SYCP2: variants seen among roughly 807,000 people sequenced by gnomAD.
The protein encoded by SYCP2 is synaptonemal complex lateral element protein.
A neutral mutation model predicts 211.3 loss-of-function variants in SYCP2; 55 were observed. The observed-to-expected ratio is 0.26, with a 90% CI of 0.21 to 0.33. SYCP2 has a LOEUF of 0.33. SYCP2 is among the 10% of genes least tolerant of loss of function. The pLI is 1.00. For synonymous variants in SYCP2, 570 were observed against 555.2 expected, an observed-to-expected ratio of 1.03 and a Z score of -0.37; for missense variants, 1,731 against 1,752.0, an observed-to-expected ratio of 0.99 and a Z score of 0.21.
chr20:59,888,333 G>A (rs991656969), intron 24 of SYCP2, among the ~76,000 whole-genome samples: 3 of 152,040 alleles, frequency 2.0e-5, no homozygotes, highest in African/African-American at 7.2e-5. Flanking sequence ...TTCTAGGTAT[G>A]CAAGAATGAT....
intron 18 of SYCP2, among the ~76,000 whole-genome samples, chr20:59,898,733 T>A (rs549860679): frequency 2.6e-5 from 4 of 151,464 alleles, no homozygotes; most frequent in Admixed American, 2.6e-4. Flanking sequence ...AAAAGATATG[T>A]AAAATGTTTT....
chr20:59,913,477 A>C (rs995806300), intron 12 of SYCP2, among the ~76,000 whole-genome samples: 1 of 152,204 alleles, frequency 6.6e-6, no homozygotes, highest in Admixed American at 6.5e-5. Context: ...TATAAAAAAA[A>C]GATTAAAATT....
intron 2 of SYCP2, among the ~76,000 whole-genome samples, chr20:59,924,639 G>T (rs1271676775): frequency 1.3e-5 from 2 of 151,948 alleles, no homozygotes; most frequent in African/African-American, 4.8e-5. Flanking sequence ...TGTCGGGTAG[G>T]TTAATCATTT....
At chr20:59,914,554 CCACA>C (rs1483766161) in intron 10 of SYCP2, among the ~76,000 whole-genome samples, 3 of 151,776 alleles carry the variant, frequency 2.0e-5, no homozygotes, top group Non-Finnish European at 4.4e-5. Flanking sequence ...GCAAAGTAAC[CCACA>C]CAGTTGTCTG....
chr20:59,892,992 A>G, intron 22 of SYCP2, 150 bp downstream of exon 22: 1 of 640,990 alleles, frequency 1.6e-6, no homozygotes, highest in South Asian at 2.4e-5. Flanking sequence ...AAAAAACCAT[A>G]TACATAATTC....
Position 59,892,386 on chromosome 20 carries a change from G to C in SYCP2, c.1968C>G (p.Ser656=), listed in dbSNP as rs1555878187. 2.6e-6 allele frequency: 4 copies of C among 1,563,464 alleles called. No homozygotes were observed. The South Asian group carries it at 3.5e-5, about 14-fold the overall frequency. Residue 656 remains serine, a synonymous_variant, in exon 24 of 45, where the codon TCC becomes TCG. Transcript: ENST00000357552. ...INKKLTKQKS[S]SSISDHNSEG... is the part of the protein sequence containing the mutation. ...CAGAATTATGATCAGATATTGAAGA[G>C]GATGATTTTTGTTTAGTAAGTTTTT...
At chr20:59,882,874 A>G (rs2059713195) in intron 26 of SYCP2, among the ~76,000 whole-genome samples, 1 of 152,188 alleles carries the variant, frequency 6.6e-6, no homozygotes, top group Non-Finnish European at 1.5e-5. Context: ...TAAATTTTAT[A>G]TGTATATTTT....
chr20:59,871,465 T>C (rs999006191), intron 35 of SYCP2, among the ~76,000 whole-genome samples: 1 of 151,910 alleles, frequency 6.6e-6, no homozygotes, highest in South Asian at 2.1e-4. Context: ...GAATGTCTCA[T>C]GAGTGTCCAG....
intron 15 of SYCP2, among the ~76,000 whole-genome samples, chr20:59,902,921 T>C (rs2060142782): frequency 6.6e-6 from 1 of 152,134 alleles, no homozygotes; most frequent in Non-Finnish European, 1.5e-5. Context: ...AATTAAAACA[T>C]TTGTAATTCT....
chr20:59,881,340 T>C (rs1358019490), intron 29 of SYCP2, 97 bp downstream of exon 29: 3 of 680,562 alleles, frequency 4.4e-6, no homozygotes, highest in East Asian at 6.1e-5. Context: ...AGCATTTTTA[T>C]TCACTCTTCT....
intron 15 of SYCP2, among the ~76,000 whole-genome samples, chr20:59,905,091 T>C (rs2060189626): frequency 6.6e-6 from 1 of 152,110 alleles, no homozygotes; most frequent in Non-Finnish European, 1.5e-5. Flanking sequence ...GGCAAGATGG[T>C]AGGAGGGACT....
intron 2 of SYCP2, among the ~76,000 whole-genome samples, chr20:59,930,732 T>C (rs2060723116): frequency 6.6e-6 from 1 of 152,170 alleles, no homozygotes; most frequent in Non-Finnish European, 1.5e-5. Flanking sequence ...TTTAATAATA[T>C]GCAATTATTC....
At chr20:59,870,602 A>G (rs77158216) in intron 35 of SYCP2, among the ~76,000 whole-genome samples, 1 of 151,768 alleles carries the variant, frequency 6.6e-6, no homozygotes, top group Non-Finnish European at 1.5e-5. Context: ...ATCAACATCA[A>G]TATTGAAAAA....
intron 2 of SYCP2, among the ~76,000 whole-genome samples, chr20:59,929,295 T>C (rs2060690737): frequency 7.9e-6 from 1 of 127,352 alleles, no homozygotes; most frequent in African/African-American, 2.6e-5. Context: ...AAATCATGTA[T>C]GTACTCCTGG....
intron 10 of SYCP2, 143 bp downstream of exon 10, chr20:59,915,020 GTA>G (rs1447441306): frequency 3.5e-6 from 2 of 573,010 alleles, no homozygotes; most frequent in African/African-American, 3.9e-5. Flanking sequence ...CAAATTTCAT[GTA>G]TATTTATTAA....
In SYCP2 at chr20:59,917,787, CA is replaced by C. The variant is rs541484634; in HGVS notation, c.428-1217del. Among the ~76,000 whole-genome samples, 550 of 152,242 alleles carry C rather than the reference CA, an allele frequency of 3.6e-3. 2 individuals are homozygous for C. The highest frequency in any genetic ancestry group is 6.6e-3 in the Non-Finnish European group (452 of 68,018). ...CTGATTGCTTGGCACAAGCAGGCCA[CA>C]AGTCAAAGAATGAGTAGGAACATAT... On this transcript the variant is annotated intron_variant, in intron 7 of 44. Transcript: ENST00000357552.
At chr20:59,867,930 A>G (rs1369686926) in intron 38 of SYCP2, 83 bp from the exon 39 acceptor site, 1 of 1,022,018 alleles carries the variant, frequency 9.8e-7, no homozygotes, top group Non-Finnish European at 1.4e-6. Flanking sequence ...AACAAAATCT[A>G]TCTTATTTTC....
chr20:59,894,631 T>C (rs575694023), intron 20 of SYCP2, among the ~76,000 whole-genome samples: 4 of 152,190 alleles, frequency 2.6e-5, no homozygotes, highest in Admixed American at 6.6e-5. Flanking sequence ...TGGGTCAACA[T>C]TGTCTAACAC....
intron 26 of SYCP2, among the ~76,000 whole-genome samples, chr20:59,883,772 A>G (rs2059732383): frequency 6.6e-6 from 1 of 152,044 alleles, no homozygotes; most frequent in Non-Finnish European, 1.5e-5. Flanking sequence ...GTCTAGAGAT[A>G]TAATGCAGAA....
Sources: allele counts gnomAD v4.1 joint callset (sites outside exome capture counted in the v4.1 genomes callset), GRCh38; gene constraint gnomAD v4.1.1; transcripts MANE v1.5; gene names NCBI Gene and HGNC (gene_info 2026-07-23, HGNC 2026-07-21).